Variants in HELQ observed in about 807,000 individuals in gnomAD.
The protein encoded by HELQ is helicase POLQ-like.
A neutral mutation model predicts 111.6 loss-of-function variants in HELQ; 77 were observed. The observed-to-expected ratio is 0.69, with a 90% CI of 0.57 to 0.83. HELQ has a LOEUF of 0.83. Ranked by LOEUF, HELQ falls within the 40% of genes least tolerant of loss-of-function variation. The pLI, the probability that HELQ is intolerant of heterozygous loss-of-function variation, is 0.00. For synonymous variants in HELQ, 438 were observed against 454.7 expected, an observed-to-expected ratio of 0.96 and a Z score of 0.47; for missense variants, 1,200 against 1,288.5, an observed-to-expected ratio of 0.93 and a Z score of 1.05.
At position 83,441,922 on chromosome 4, in the gene HELQ, C is replaced by T. The variant is rs115982581; in HGVS notation, c.1564-519G>A. 4.1e-3 allele frequency among the ~76,000 whole-genome samples: 623 copies of T among 151,990 alleles called. 6 individuals are homozygous for T. The highest frequency in any genetic ancestry group is 0.013 in the African/African-American group (552 of 41,444). Reference sequence around the variant, plus strand: ...CTGAGTAGCTGGGATGACAGGCATGCGCTACCACGCCAGGCTAATTTTTAT... The same window carrying T: ...CTGAGTAGCTGGGATGACAGGCATGTGCTACCACGCCAGGCTAATTTTTAT... On this transcript the variant is annotated intron_variant, in intron 6 of 17. Transcript: ENST00000295488.
intron 5 of HELQ, among the ~76,000 whole-genome samples, chr4:83,444,901 C>A (rs776290548): frequency 2.6e-5 from 4 of 151,334 alleles, no homozygotes; most frequent in African/African-American, 9.8e-5. Flanking sequence ...AAAGATCATT[C>A]TTCTTGCGCT....
intron 15 of HELQ, among the ~76,000 whole-genome samples, chr4:83,420,633 A>G (rs112502019): frequency 7.2e-4 from 109 of 152,168 alleles, no homozygotes; most frequent in African/African-American, 2.6e-3. Context: ...AAAAATACAT[A>G]AGTTAACTGG....
In HELQ at chr4:83,446,950, T is replaced by C. The variant is rs1721080218; in HGVS notation, c.1277A>G (p.Lys426Arg). The C allele has an allele frequency of 6.2e-7, 1 of 1,613,166 alleles. No homozygotes were observed. ...ATAGAGTGATTTCTTTTCCCTTCTT[T>C]TAGTTGGAGGAAATCTTCCTTTGCT... is the stretch of plus-strand genomic sequence containing the variant. ...AGSKGRFPPT[K>R]RREKKSLYIA... is the part of the protein sequence containing the mutation. The change falls in exon 4 of 18, where the codon AAA (lysine) becomes AGA (arginine). Residue 426 changes from lysine to arginine, a missense_variant. Physicochemically the swap from Lys to Arg is conservative, Grantham distance 26. Around this residue, in one of 3 missense-constraint regions of HELQ, gnomAD observed 610 missense variants for 607.1 expected, o/e 1.00. Coordinates refer to ENST00000295488, the MANE Select transcript of HELQ (RefSeq NM_133636.5).
chr4:83,428,674 G>A (rs1254425072), intron 12 of HELQ, among the ~76,000 whole-genome samples: 1 of 152,090 alleles, frequency 6.6e-6, no homozygotes, highest in Non-Finnish European at 1.5e-5. Flanking sequence ...CAGGCCAAAT[G>A]TGTTGTCTCA....
At chr4:83,448,724 A>C in intron 3 of HELQ, 59 bp downstream of exon 3, 1 of 1,375,400 alleles carries the variant, frequency 7.3e-7, no homozygotes, top group Non-Finnish European at 1.0e-6. Context: ...ACATTTACAG[A>C]TCTTAACGTC....
chr4:83,444,397 T>C (rs1377679071), intron 5 of HELQ, among the ~76,000 whole-genome samples: 1 of 152,144 alleles, frequency 6.6e-6, no homozygotes, highest in Non-Finnish European at 1.5e-5. Flanking sequence ...ATTTATTTTT[T>C]TGAGACAGAG....
rs376788918 is a variant in HELQ, at chr4:83,407,409, T to G, written c.*44A>C. 14 of 1,200,648 alleles carry G rather than the reference T, an allele frequency of 1.2e-5. No homozygotes were observed. Among genetic ancestry groups the G allele is most frequent in the Non-Finnish European group, 1.7e-5 (14 of 834,530 alleles). The allele number at this position is 1,200,648 out of a possible 1,614,324, so 74.4% of individuals were successfully genotyped here. ...TATAAGTTATCTTTAATAACACACA[T>G]GTACAATAAATAATTCATATATGAA... On this transcript the variant is annotated 3_prime_UTR_variant, in exon 18 of 18. Transcript: ENST00000295488.
intron 9 of HELQ, among the ~76,000 whole-genome samples, chr4:83,436,201 A>G (rs1440697189): frequency 6.6e-6 from 1 of 152,184 alleles, no homozygotes; most frequent in African/African-American, 2.4e-5. Flanking sequence ...TCTGAAATTG[A>G]TAGACCAAGG....
At chr4:83,433,090 C>A (rs2109989559) in intron 9 of HELQ, among the ~76,000 whole-genome samples, 1 of 151,926 alleles carries the variant, frequency 6.6e-6, no homozygotes, top group South Asian at 2.1e-4. Context: ...CAATTATGTT[C>A]ATATATACAG....
intron 17 of HELQ, among the ~76,000 whole-genome samples, chr4:83,414,676 A>C (rs369985840): frequency 2.6e-5 from 4 of 152,206 alleles, no homozygotes; most frequent in African/African-American, 7.2e-5. Flanking sequence ...CATACTGATA[A>C]ATGAATAAAT....
intron 14 of HELQ, among the ~76,000 whole-genome samples, chr4:83,424,528 T>C (rs1719739782): frequency 6.6e-6 from 1 of 152,188 alleles, no homozygotes. Flanking sequence ...CCTGAGAAGC[T>C]AGGAGTACAG....
chr4:83,452,128 T>C (rs1721412026), intron 2 of HELQ, among the ~76,000 whole-genome samples: 1 of 152,246 alleles, frequency 6.6e-6, no homozygotes, highest in Non-Finnish European at 1.5e-5. Context: ...TTCTTAATAT[T>C]ATTGCTTCTT....
At position 83,441,344 on chromosome 4, in the gene HELQ, A is replaced by C. The variant is rs745676356; in HGVS notation, c.1623T>G (p.Ala541=). ...GACGTGAAAAAGTCATGCCATTCTC[A>C]GCTTTGCTGTCAACTTCATATATTG... ...NDTIYEVDSK[A]ENGMTFSRLL... is the part of the protein sequence containing the mutation. The change falls in exon 7 of 18, where the codon GCT becomes GCG. Residue 541 remains alanine, a synonymous_variant. Transcript: ENST00000295488. The C allele has an allele frequency of 1.9e-6, 3 of 1,596,808 alleles. No homozygotes were observed. Among genetic ancestry groups the C allele is most frequent in the Admixed American group, 3.4e-5 (2 of 58,880 alleles).
intron 4 of HELQ, among the ~76,000 whole-genome samples, chr4:83,446,634 G>A (rs1399285050): frequency 6.6e-6 from 1 of 152,102 alleles, no homozygotes; most frequent in East Asian, 1.9e-4. Context: ...ACACATACGT[G>A]TTCACACTTC....
In HELQ at chr4:83,455,755, G is replaced by A. The variant is rs1055126911; in HGVS notation, c.-62C>T. 4.0e-6 allele frequency: 6 copies of A among 1,494,082 alleles called. No homozygotes were observed. The African/African-American group carries it at 5.5e-5, about 14-fold the overall frequency. 92.6% of individuals were successfully genotyped at this position (1,494,082 alleles called of 1,614,324 possible). ...AGTGACCCAGACGCTAAGCCCATAT[G>A]GAAGGGAGAGTGGGACGCCGGAGCC... On this transcript the variant is annotated 5_prime_UTR_variant, in exon 1 of 18. Transcript: ENST00000295488.
Position 83,455,658 on chromosome 4 carries a change from C to T in HELQ, c.36G>A (p.Val12=). 1 of 1,612,068 alleles carries T rather than the reference C, an allele frequency of 6.2e-7. No homozygotes were observed. Among genetic ancestry groups the T allele is most frequent in the Non-Finnish European group, 8.5e-7 (1 of 1,179,958 alleles). The change falls in exon 1 of 18, where the codon GTG becomes GTA. Residue 12 remains valine, a synonymous_variant. Coordinates refer to ENST00000295488, the MANE Select transcript of HELQ (RefSeq NM_133636.5). ...TTGGACGGTTCCTTTTGGGGAGAGA[C>T]ACCCGCCGGCGGATGCGGGAACCAC... ...DECGSRIRRR[V]SLPKRNRPSL... is the part of the protein sequence containing the mutation.
intron 6 of HELQ, among the ~76,000 whole-genome samples, chr4:83,442,171 A>G (rs963438902): frequency 1.3e-5 from 2 of 152,012 alleles, no homozygotes; most frequent in Non-Finnish European, 2.9e-5. Flanking sequence ...ATTGCATTTT[A>G]TAATAACAAT....
rs1720680561 is a variant in HELQ at position 83,439,942 on chromosome 4, T to C, written c.1729A>G (p.Asn577Asp). ...GGACAAAAAACTAAGCAGGAATAAT[T>C]GGGAATAACTTCTGTCACCAATGCT... ...LVALVTEVIP[N>D]YSCLVFCPSK... The change falls in exon 8 of 18, where the codon AAT becomes GAT. Residue 577 changes from asparagine (N) to aspartate (D), a missense_variant. Physicochemically the swap from Asn to Asp is conservative, Grantham distance 23. Transcript: ENST00000295488. 1 of 1,610,454 alleles carries C rather than the reference T, an allele frequency of 6.2e-7. No homozygotes were observed. The highest frequency in any genetic ancestry group is 1.1e-5 in the South Asian group (1 of 90,878).
chr4:83,425,912 A>G (rs369865399), intron 14 of HELQ, 82 bp downstream of exon 14: 21 of 709,922 alleles, frequency 3.0e-5, no homozygotes, highest in African/African-American at 2.3e-4. Context: ...ATATAATGGT[A>G]CTAATTTTGT....
Sources: gnomAD v4.1 joint callset for allele counts (sites outside exome capture counted in the v4.1 genomes callset) on GRCh38, gnomAD v4.1.1 for gene constraint, gnomAD v4.1.1 regional missense constraint, MANE v1.5 for transcripts, NCBI Gene and HGNC (gene_info 2026-07-23, HGNC 2026-07-21) for gene names.